TNRC18: variants seen among roughly 807,000 people sequenced by gnomAD.
TNRC18 encodes trinucleotide repeat-containing gene 18 protein.
Under a neutral mutation model 226.7 loss-of-function variants are expected in TNRC18, and 69 were observed. The ratio of observed to expected loss-of-function variants is 0.30; its 90% CI spans 0.25 to 0.37. The LOEUF is 0.37. Among genes scored for constraint, TNRC18 ranks in the 10% least tolerant of loss-of-function variants. The pLI is 1.00. For synonymous variants in TNRC18, 2,449 were observed against 1,927.6 expected (o/e 1.27, Z -7.09); for missense variants, 4,754 against 4,256.6 (o/e 1.12, Z -3.25).
rs181045086 is a variant in TNRC18 at position 5,334,519 on chromosome 7, G to A, written c.5720-1470C>T. On this transcript the variant is annotated intron_variant, in intron 18 of 29. Coordinates refer to ENST00000430969, the MANE Select transcript of TNRC18 (RefSeq NM_001080495.3). ...TCACCGTGTTAGGCAGGCTGGTCTC[G>A]AACTCCTGACCTTGTGATCTGCCTG... 1.9e-3 allele frequency among the ~76,000 whole-genome samples: 281 copies of A among 149,984 alleles called. 1 individual carries two copies. Among genetic ancestry groups the A allele is most frequent in the African/African-American group, 6.6e-3 (270 of 40,714 alleles).
intron 24 of TNRC18, among the ~76,000 whole-genome samples, chr7:5,318,213 C>A (rs969291614): frequency 3.3e-5 from 5 of 151,944 alleles, no homozygotes; most frequent in African/African-American, 1.2e-4. Flanking sequence ...GAGACAGGGT[C>A]TTGCTATGTT....
chr7:5,396,892 T>C (rs1228255014), intron 2 of TNRC18, among the ~76,000 whole-genome samples: 2 of 152,174 alleles, frequency 1.3e-5, no homozygotes, highest in African/African-American at 4.8e-5. Flanking sequence ...AGGGCCTGTA[T>C]ACAAGTGCTC....
rs1337392605 is a variant in TNRC18 at position 5,362,642 on chromosome 7, C to A, written c.4395+8G>T. 1.3e-6 allele frequency: 2 copies of A among 1,550,804 alleles called. No homozygotes were observed. The highest frequency in any genetic ancestry group is 2.4e-5 in the South Asian group (2 of 82,294). On this transcript the variant is annotated splice_region_variant and intron_variant, in intron 12 of 29. Transcript: ENST00000430969. ...CGGACCCCAGGGAGGAAGCAGCCAG[C>A]CGCTCACCCGCTCCTCCTTCTTGCG...
intron 17 of TNRC18, among the ~76,000 whole-genome samples, chr7:5,349,087 C>T (rs1016699760): frequency 2.6e-5 from 4 of 152,268 alleles, no homozygotes; most frequent in South Asian, 2.1e-4. Context: ...GCTGGGGCTG[C>T]GGGGGGAGGG....
rs1459843674 is a variant in TNRC18, at chr7:5,324,872, C to T, written c.6300+224G>A. On this transcript the variant is annotated intron_variant, in intron 20 of 29. Coordinates refer to ENST00000430969, the MANE Select transcript of TNRC18 (RefSeq NM_001080495.3). The surrounding 1 kb of genome is among the most constrained non-coding windows in gnomAD (Gnocchi z 4.8). ...TCCTGGTCTCTGTTCCAGTGTCCCT[C>T]GCCCCCGCTAGAGCAGACATTTCCT... Among the ~76,000 whole-genome samples the T allele has an allele frequency of 4.6e-5, 7 of 152,208 alleles. No individual in the cohort carries two copies. Among genetic ancestry groups the T allele is most frequent in the South Asian group, 2.1e-4 (1 of 4,838 alleles).
chr7:5,330,788 C>G (rs1789446417), intron 19 of TNRC18, among the ~76,000 whole-genome samples: 1 of 152,162 alleles, frequency 6.6e-6, no homozygotes, highest in Non-Finnish European at 1.5e-5. Context: ...ATTCTCCTGC[C>G]TCAGCCTCCT....
intron 18 of TNRC18, among the ~76,000 whole-genome samples, chr7:5,336,824 A>G (rs1790159487): frequency 6.6e-6 from 1 of 152,236 alleles, no homozygotes; most frequent in South Asian, 2.1e-4. Flanking sequence ...AGCTGAATGG[A>G]TATGATTAAG....
At chr7:5,405,537 C>A (rs772284805) in intron 2 of TNRC18, among the ~76,000 whole-genome samples, 6 of 152,104 alleles carry the variant, frequency 3.9e-5, no homozygotes. Context: ...CCACGGCACT[C>A]CAGCCTGGGT....
At position 5,377,677 on chromosome 7, in the gene TNRC18, A is replaced by C; in HGVS notation, c.2256-101T>G. On this transcript the variant is annotated intron_variant, in intron 6 of 29. Transcript: ENST00000430969. The surrounding 1 kb of genome is among the most constrained non-coding windows in gnomAD (Gnocchi z 5.8). Reference sequence around the variant, plus strand: ...AGGAACTGTTTGCCACCAGGCCATGAGTCAGGACAACCACTGCTCGGAACT... The same window carrying C: ...AGGAACTGTTTGCCACCAGGCCATGCGTCAGGACAACCACTGCTCGGAACT... 7.7e-7 allele frequency: 1 copy of C among 1,301,564 alleles called. No homozygotes were observed. Among genetic ancestry groups the C allele is most frequent in the East Asian group, 2.5e-5 (1 of 39,338 alleles). 80.6% of individuals were successfully genotyped at this position (1,301,564 alleles called of 1,614,324 possible). A position where few individuals can be genotyped will look rare whatever the true frequency, so the allele number is the denominator to read the frequency against.
chr7:5,307,281 TTA>T lies in TNRC18; in HGVS notation c.*823_*824del, dbSNP rs574295640. On this transcript the variant is annotated 3_prime_UTR_variant, in exon 30 of 30. Transcript: ENST00000430969. ...TATATATATTTATATATATTTATCT[TTA>T]TATATATAATTAAAAAGTTGACTCC... is the stretch of plus-strand genomic sequence containing the variant. 2.7e-5 allele frequency: 4 copies of T among 149,926 alleles called. No individual in the cohort carries two copies. Among genetic ancestry groups the T allele is most frequent in the African/African-American group, 4.9e-5 (2 of 41,054 alleles). 9.3% of individuals were successfully genotyped at this position (149,926 alleles called of 1,614,324 possible).
chr7:5,360,372 G>A (rs146765261), intron 14 of TNRC18, among the ~76,000 whole-genome samples: 1 of 152,120 alleles, frequency 6.6e-6, no homozygotes, highest in Non-Finnish European at 1.5e-5. Flanking sequence ...TGGGATTACA[G>A]GCACACACCA....
Position 5,313,330 on chromosome 7 carries a change from T to A in TNRC18, c.7561A>T (p.Thr2521Ser). ...SEPKAPWPKATDGDLAQEPGP... is the reference protein window; with the variant it reads ...SEPKAPWPKASDGDLAQEPGP... ...GGCTCCTGGGCGAGGTCCCCGTCGG[T>A]GGCCTTGGGCCAGGGTGCCTTGGGC... Residue 2521 changes from threonine (T) to serine (S), a missense_variant, in exon 27 of 30, where the codon ACC (threonine) becomes TCC (serine). Coordinates refer to ENST00000430969, the MANE Select transcript of TNRC18 (RefSeq NM_001080495.3). The A allele has an allele frequency of 6.4e-7, 1 of 1,553,592 alleles. No individual in the cohort carries two copies. The highest frequency in any genetic ancestry group is 8.7e-7 in the Non-Finnish European group (1 of 1,149,570).
chr7:5,309,029 C>A lies in TNRC18; in HGVS notation c.8626-80G>T, dbSNP rs1447449434. ...CCCCAGGCCCCAGGACAGGGCTGAC[C>A]CACTGGGCAGGGCTGCTGATGCTCC... On this transcript the variant is annotated intron_variant, in intron 28 of 29. Coordinates refer to ENST00000430969, the MANE Select transcript of TNRC18 (RefSeq NM_001080495.3). This position sits in a 1 kb window ranked among gnomAD's most constrained non-coding sequence, Gnocchi z 5.7. The A allele has an allele frequency of 5.2e-5, 79 of 1,518,650 alleles. No individual in the cohort carries two copies. The highest frequency in any genetic ancestry group is 6.5e-5 in the Non-Finnish European group (73 of 1,116,944). 94.1% of individuals were successfully genotyped at this position (1,518,650 alleles called of 1,614,324 possible).
At chr7:5,347,823 C>T (rs1024655423) in intron 17 of TNRC18, among the ~76,000 whole-genome samples, 2 of 151,950 alleles carry the variant, frequency 1.3e-5, no homozygotes, top group South Asian at 2.1e-4. Flanking sequence ...GGTGCAGTGG[C>T]GGACACCTGT....
chr7:5,377,032 C>G lies in TNRC18; in HGVS notation c.2462-39G>C. 1 of 1,547,496 alleles carries G rather than the reference C, an allele frequency of 6.5e-7. No homozygotes were observed. Among genetic ancestry groups the G allele is most frequent in the Non-Finnish European group, 8.7e-7 (1 of 1,148,148 alleles). ...CCCAGGCCTGAGTCAGTGCTGGGAG[C>G]CCCCAAGCGGTTTGTCCTCGGGCAG... On this transcript the variant is annotated intron_variant, in intron 7 of 29. Transcript: ENST00000430969. This position sits in a 1 kb window ranked among gnomAD's most constrained non-coding sequence, Gnocchi z 5.8.
At chr7:5,390,807 C>T (rs1413472892) in intron 3 of TNRC18, among the ~76,000 whole-genome samples, 179 bp from the exon 4 acceptor site, 1 of 152,020 alleles carries the variant, frequency 6.6e-6, no homozygotes, top group African/African-American at 2.4e-5. Context: ...GGGTCTCTCT[C>T]CAGGCCCAGG....
intron 10 of TNRC18, among the ~76,000 whole-genome samples, chr7:5,372,299 G>A (rs1468286120): frequency 3.3e-5 from 5 of 150,022 alleles, no homozygotes; most frequent in African/African-American, 4.9e-5. Flanking sequence ...GGATGGTCTC[G>A]ATCTCCTGAC....
intron 16 of TNRC18, among the ~76,000 whole-genome samples, chr7:5,355,365 C>T (rs1393736278): frequency 2.6e-5 from 4 of 152,202 alleles, no homozygotes; most frequent in Admixed American, 1.3e-4. Context: ...AGGCAGCTCA[C>T]GCCTGTAATC....
At chr7:5,330,072 T>C (rs939698849) in intron 19 of TNRC18, 1 of 449,094 alleles carries the variant, frequency 2.2e-6, no homozygotes, top group African/African-American at 2.1e-5. Context: ...TAATGTGTGG[T>C]AGGTGCCCCC....
Sources: allele counts gnomAD v4.1 joint callset (sites outside exome capture counted in the v4.1 genomes callset), GRCh38; gene constraint gnomAD v4.1.1; non-coding constraint Gnocchi (gnomAD v3.1); transcripts MANE v1.5; gene names NCBI Gene and HGNC (gene_info 2026-07-23, HGNC 2026-07-21).